Variants in DAB1 observed in about 807,000 individuals in gnomAD.
DAB1 encodes the protein disabled homolog 1.
Under a neutral mutation model 64.6 loss-of-function variants are expected in DAB1, and 15 were observed. The observed-to-expected ratio is 0.23, with a 90% CI of 0.16 to 0.36. The LOEUF (loss-of-function observed/expected upper bound fraction) is 0.36. Ranked by LOEUF, DAB1 falls within the 10% of genes least tolerant of loss-of-function variation. The pLI is 1.00. For missense variants in DAB1, 596 were observed against 706.7 expected (o/e 0.84, Z 1.78); for synonymous variants, 235 against 251.9 (o/e 0.93, Z 0.64).
chr1:57,428,703 G>A (rs951317569), upstream of DAB1, among the ~76,000 whole-genome samples: 2 of 151,930 alleles, frequency 1.3e-5, no homozygotes, highest in African/African-American at 4.8e-5. Flanking sequence ...TGGAACATAT[G>A]GTAGTTCTAT....
intron 4 of DAB1, among the ~76,000 whole-genome samples, chr1:58,160,504 A>T (rs555213661): frequency 6.6e-6 from 1 of 152,292 alleles, no homozygotes; most frequent in South Asian, 2.1e-4. Context: ...GCAACCTTTC[A>T]TAGCATGAAC....
At chr1:57,136,664 T>A (rs752232457) in intron 3 of DAB1, 23 bp from the exon 4 acceptor site, 1 of 1,474,864 alleles carries the variant, frequency 6.8e-7, no homozygotes, top group Admixed American at 1.9e-5. Flanking sequence ...AGAACATGGT[T>A]TTTACTTAAG....
At chr1:58,090,102 T>C (rs9782935) in intron 5 of DAB1, among the ~76,000 whole-genome samples, 39,453 of 152,030 alleles carry the variant, frequency 0.26, 6,208 homozygotes, top group African/African-American at 0.43. Flanking sequence ...TTTGATCTTG[T>C]ACACCAAGAA....
intron 5 of DAB1, among the ~76,000 whole-genome samples, chr1:58,081,556 A>G (rs968974737): frequency 7.9e-5 from 12 of 152,222 alleles, no homozygotes; most frequent in African/African-American, 2.7e-4. Context: ...TTATTTCACA[A>G]CTTCTTAGAA....
At chr1:58,117,463 C>G (rs1557657101) in intron 5 of DAB1, among the ~76,000 whole-genome samples, 1 of 152,124 alleles carries the variant, frequency 6.6e-6, no homozygotes, top group Non-Finnish European at 1.5e-5. Flanking sequence ...GAAGCTCCTG[C>G]AGCAAACACT....
intron 5 of DAB1, among the ~76,000 whole-genome samples, chr1:58,106,626 ATTGTGGCTTTATGAC>A (rs1408294316): frequency 2.0e-5 from 3 of 152,218 alleles, no homozygotes; most frequent in African/African-American, 7.2e-5. Context: ...CAACACTGAA[ATTGTGGCTTTATGAC>A]TTGGATCCCG....
intron 7 of DAB1, among the ~76,000 whole-genome samples, chr1:57,602,450 A>G (rs1645585799): frequency 6.6e-6 from 1 of 152,100 alleles, no homozygotes; most frequent in African/African-American, 2.4e-5. Context: ...CTAGGTGTTG[A>G]GCTTCCTAAG....
intron 5 of DAB1, among the ~76,000 whole-genome samples, chr1:58,057,697 A>G (rs1557630770): frequency 1.3e-5 from 2 of 152,234 alleles, no homozygotes; most frequent in African/African-American, 4.8e-5. Context: ...TTGGACTCCT[A>G]GCCTCTAGAA....
intron 1 of DAB1, among the ~76,000 whole-genome samples, chr1:57,320,566 A>G (rs897550768): frequency 1.3e-5 from 2 of 152,154 alleles, no homozygotes; most frequent in African/African-American, 2.4e-5. Flanking sequence ...ACATACTACA[A>G]TGCATGGATC....
At chr1:58,023,791 C>T (rs746512983) in intron 5 of DAB1, among the ~76,000 whole-genome samples, 2 of 152,058 alleles carry the variant, frequency 1.3e-5, no homozygotes, top group African/African-American at 4.8e-5. Context: ...TGCCTTGGAC[C>T]CAGCATCTAA....
intron 5 of DAB1, among the ~76,000 whole-genome samples, chr1:57,913,130 T>A (rs1450628838): frequency 6.6e-6 from 1 of 152,124 alleles, no homozygotes; most frequent in African/African-American, 2.4e-5. Flanking sequence ...GAGCCCGCAT[T>A]GCCAAATCAA....
intron 5 of DAB1, among the ~76,000 whole-genome samples, chr1:57,924,122 T>A (rs1644846465): frequency 6.6e-6 from 1 of 152,184 alleles, no homozygotes; most frequent in Non-Finnish European, 1.5e-5. Flanking sequence ...AACAGTTCCT[T>A]ATTATTCTCC....
intron 4 of DAB1, among the ~76,000 whole-genome samples, chr1:57,093,216 G>A (rs926538817): frequency 7.9e-5 from 12 of 152,174 alleles, no homozygotes; most frequent in South Asian, 2.1e-4. Context: ...CGTCACCTCC[G>A]TCTTTGCATC....
chr1:57,460,322 C>T (rs1034580704), intron 7 of DAB1, among the ~76,000 whole-genome samples: 5 of 152,092 alleles, frequency 3.3e-5, no homozygotes, highest in Non-Finnish European at 7.4e-5. Context: ...TGCCTTTGCT[C>T]TTATTATTAT....
rs1404262466 is a variant in DAB1 at position 58,353,314 on chromosome 1, C to A, written n.258-9911G>T. 2.6e-5 allele frequency among the ~76,000 whole-genome samples: 4 copies of A among 152,300 alleles called. No homozygotes were observed. The East Asian group carries it at 7.7e-4, about 29-fold the overall frequency. Reference sequence around the variant, plus strand: ...CACGGTTACTGTTTTGAGTTGATTTCATTCCAGCCAAACACACATAGATTT... The same window carrying A: ...CACGGTTACTGTTTTGAGTTGATTTAATTCCAGCCAAACACACATAGATTT... On this transcript the variant is annotated intron_variant and non_coding_transcript_variant, in intron 3 of 20. Transcript: ENST00000485760.
In DAB1 at chr1:57,129,354, C is replaced by T. The variant is rs967182915; in HGVS notation, c.306+7189G>A. ...TTTTTATTGTGATAAATTAAAATCCCGTATCATCCAACAAGACACTAACCA... is the reference window on the plus strand; with the variant it reads ...TTTTTATTGTGATAAATTAAAATCCTGTATCATCCAACAAGACACTAACCA... On this transcript the variant is annotated intron_variant, in intron 4 of 14. Coordinates refer to ENST00000371236, the MANE Select transcript of DAB1 (RefSeq NM_001365792.1). 2.0e-5 allele frequency among the ~76,000 whole-genome samples: 3 copies of T among 151,984 alleles called. No individual in the cohort carries two copies. In the East Asian group the frequency reaches 5.8e-4, roughly 30 times the overall value.
chr1:58,419,532 C>T (rs746591541), intron 3 of DAB1, among the ~76,000 whole-genome samples: 20 of 152,118 alleles, frequency 1.3e-4, no homozygotes, highest in African/African-American at 1.7e-4. Flanking sequence ...AGTCAAGAAA[C>T]CTGAACTCTA....
chr1:58,172,399 G>A (rs547248773), intron 4 of DAB1, among the ~76,000 whole-genome samples: 85 of 152,276 alleles, frequency 5.6e-4, no homozygotes, highest in African/African-American at 2.0e-3. Context: ...ATAATACAAG[G>A]AAAGGATCTC....
intron 4 of DAB1, among the ~76,000 whole-genome samples, chr1:57,092,674 G>C (rs532693995): frequency 2.5e-5 from 3 of 120,372 alleles, no homozygotes; most frequent in Middle Eastern, 4.5e-3. Context: ...TGGCGGGGGA[G>C]GGGGGTGGGG....
Sources: allele counts gnomAD v4.1 joint callset (sites outside exome capture counted in the v4.1 genomes callset), GRCh38; gene constraint gnomAD v4.1.1; transcripts MANE v1.5; gene names NCBI Gene and HGNC (gene_info 2026-07-23, HGNC 2026-07-21).